Variants in RBM20 observed in about 807,000 individuals in gnomAD.
RBM20 encodes the protein RNA-binding protein 20.
A neutral mutation model predicts 110.1 loss-of-function variants in RBM20; 51 were observed. The ratio of observed to expected loss-of-function variants is 0.46; its 90% CI spans 0.37 to 0.59. The LOEUF is 0.59. Among genes scored for constraint, RBM20 ranks in the 20% least tolerant of loss-of-function variants. RBM20 has a pLI of 0.00. For synonymous variants in RBM20, 589 were observed against 618.2 expected (o/e 0.95, Z 0.70); for missense variants, 1,512 against 1,574.9 (o/e 0.96, Z 0.68).
At position 110,820,125 on chromosome 10, in the gene RBM20, A is replaced by G; in HGVS notation, c.2604A>G (p.Arg868=). 1.3e-6 allele frequency: 2 copies of G among 1,551,650 alleles called. No individual in the cohort carries two copies. Among genetic ancestry groups the G allele is most frequent in the Middle Eastern group, 1.7e-4 (1 of 5,992 alleles). The change falls in exon 10 of 14, where the codon AGA becomes AGG. Residue 868 remains arginine, a synonymous_variant. Transcript: ENST00000369519. ...GMEESPQSVG[R]QEKEAEFSDP... ...AAGAAAGCCCTCAATCAGTGGGCAG[A>G]CAGGAGAAAGAAGCAGAGTTCTCTG...
At position 110,821,721 on chromosome 10, in the gene RBM20, C is replaced by T; in HGVS notation, c.3102C>T (p.Ser1034=). The change falls in exon 11 of 14, where the codon AGC becomes AGT. Residue 1034 remains serine (S), a synonymous_variant. Coordinates refer to ENST00000369519, the MANE Select transcript of RBM20 (RefSeq NM_001134363.3). Reference sequence around the variant, plus strand: ...AGAAGGAGGCAAAGGGAGTGGAGAGCTCAGATGTTCATCCAGCCCCTACAG... The same window carrying T: ...AGAAGGAGGCAAAGGGAGTGGAGAGTTCAGATGTTCATCCAGCCCCTACAG... The part of the protein sequence containing the change: ...CYEKEAKGVE[S]SDVHPAPTVQ... 6.4e-7 allele frequency: 1 copy of T among 1,551,796 alleles called. No individual in the cohort carries two copies. Among genetic ancestry groups the T allele is most frequent in the Non-Finnish European group, 8.7e-7 (1 of 1,147,006 alleles).
At position 110,835,952 on chromosome 10, in the gene RBM20, C is replaced by G; in HGVS notation, c.3658C>G (p.Pro1220Ala). The G allele has an allele frequency of 2.2e-6, 3 of 1,334,474 alleles. No individual in the cohort carries two copies. Among genetic ancestry groups the G allele is most frequent in the Non-Finnish European group, 2.1e-6 (2 of 953,876 alleles). The allele number at this position is 1,334,474 out of a possible 1,614,324, so 82.7% of individuals were successfully genotyped here. ...GAGGCCAGAGGACAGCGGAATCGTG[C>G]CACGCTTCGAAAGGAAAAAGCTCTG... ...SPRPEDSGIV[P>A]RFERKKL The change falls in exon 14 of 14, where the codon CCA becomes GCA. Residue 1220 changes from proline to alanine, a missense_variant. By Grantham distance (27) the Pro-to-Ala change is conservative. This residue lies in a region of RBM20 where 358 missense variants were observed against 384.2 expected (regional missense o/e 0.93). Transcript: ENST00000369519.
rs550347466 is a variant in RBM20, at chr10:110,688,730, A to G, written c.191+44085A>G. Among the ~76,000 whole-genome samples the G allele has an allele frequency of 1.3e-3, 204 of 152,314 alleles. 2 individuals are homozygous for G. In the South Asian group the frequency reaches 0.02, roughly 15 times the overall value. On this transcript the variant is annotated intron_variant, in intron 1 of 13. Transcript: ENST00000369519. ...CCTAATGTCAATACCTTACATAACC[A>G]TGGTACATTTTTCAAAACTAAAACA... is the stretch of plus-strand genomic sequence containing the variant.
rs143723311 is a variant in RBM20, at chr10:110,674,903, G to C, written c.191+30258G>C. 2.8e-3 allele frequency among the ~76,000 whole-genome samples: 432 copies of C among 152,324 alleles called. 3 individuals carry two copies. Among genetic ancestry groups the C allele is most frequent in the African/African-American group, 9.9e-3 (412 of 41,564 alleles). On this transcript the variant is annotated intron_variant, in intron 1 of 13. Transcript: ENST00000369519. ...CTAGCTCTGTATTATTGCCTATGGA[G>C]GACATAGAAATATATCATATACTGT...
At chr10:110,766,318 T>TTTGTTTG (rs1554897192) in intron 1 of RBM20, among the ~76,000 whole-genome samples, 1 of 149,184 alleles carries the variant, frequency 6.7e-6, no homozygotes, top group Non-Finnish European at 1.5e-5. Flanking sequence ...ACTTTGTTTT[T>TTTGTTTG]TTTTTTGTTT....
At position 110,831,678 on chromosome 10, in the gene RBM20, A is replaced by AAAAC. The variant is rs1554844403; in HGVS notation, c.3573+499_3573+500insCAAA. On this transcript the variant is annotated intron_variant, in intron 13 of 13. Coordinates refer to ENST00000369519, the MANE Select transcript of RBM20 (RefSeq NM_001134363.3). ...CTGCTTGCTAGAATAAAAAAAAAAA[A>AAAAC]AAAAAAAAAAAAACACTGCTTTGTT... 9.0e-5 allele frequency among the ~76,000 whole-genome samples: 13 copies of AAAAC among 143,834 alleles called. No individual in the cohort carries two copies. In the South Asian group the frequency reaches 3.0e-3, roughly 33 times the overall value. The allele number at this position is 143,834 out of a possible 152,430, so 94.4% of individuals were successfully genotyped here.
intron 1 of RBM20, among the ~76,000 whole-genome samples, chr10:110,749,506 G>A (rs1843826643): frequency 6.6e-6 from 1 of 152,138 alleles, no homozygotes; most frequent in Non-Finnish European, 1.5e-5. Flanking sequence ...TATGTTCGTA[G>A]ATAGGATAGC....
At chr10:110,803,609 C>T (rs1010515362) in intron 7 of RBM20, among the ~76,000 whole-genome samples, 3 of 152,040 alleles carry the variant, frequency 2.0e-5, no homozygotes, top group Non-Finnish European at 4.4e-5. Flanking sequence ...TGATCTTTAG[C>T]AGGGCTTTTC....
chr10:110,757,535 A>C (rs1843937125), intron 1 of RBM20, among the ~76,000 whole-genome samples: 1 of 152,244 alleles, frequency 6.6e-6, no homozygotes, highest in Admixed American at 6.5e-5. Context: ...CTAACTTCTT[A>C]AACTTAGGAT....
At chr10:110,686,971 G>A (rs1027917624) in intron 1 of RBM20, among the ~76,000 whole-genome samples, 1 of 151,786 alleles carries the variant, frequency 6.6e-6, no homozygotes, top group African/African-American at 2.4e-5. Flanking sequence ...CCCAGGAGGC[G>A]GAGGTTGCAG....
In RBM20 at chr10:110,801,835, G is replaced by A. The variant is rs34554324; in HGVS notation, c.1800+1917G>A. On this transcript the variant is annotated intron_variant, in intron 7 of 13. Transcript: ENST00000369519. ...GCTGGGATTACAAGCGTGAACCACC[G>A]TGCCTGGCCAGTTTATCACAGTTTT... Among the ~76,000 whole-genome samples the A allele has an allele frequency of 6.2e-3, 934 of 151,366 alleles. 9 individuals carry two copies. Among genetic ancestry groups the A allele is most frequent in the East Asian group, 0.031 (160 of 5,104 alleles).
At chr10:110,754,868 C>G (rs10509930) in intron 1 of RBM20, among the ~76,000 whole-genome samples, 27,658 of 152,122 alleles carry the variant, frequency 0.18, 2,763 homozygotes, top group Middle Eastern at 0.27. Context: ...TTATTTCCTT[C>G]TATGCCTGAT....
At chr10:110,784,282 C>T (rs903704210) in intron 3 of RBM20, 59 bp from the exon 4 acceptor site, 2 of 1,271,514 alleles carry the variant, frequency 1.6e-6, no homozygotes, top group African/African-American at 1.5e-5. Flanking sequence ...TTCTGGGTCA[C>T]ATGCTAATTC....
chr10:110,644,665 C>T lies in RBM20; in HGVS notation c.191+20C>T. ...CCAAAAGTAAGAAGGGAGAAGGGAA[C>T]AGGGACCACGGGTGCGCCTGGGGAC... On this transcript the variant is annotated intron_variant, in intron 1 of 13. Transcript: ENST00000369519. The surrounding 1 kb of genome is among the most constrained non-coding windows in gnomAD (Gnocchi z 4.3). 1 of 1,466,136 alleles carries T rather than the reference C, an allele frequency of 6.8e-7. No homozygotes were observed. The highest frequency in any genetic ancestry group is 2.8e-5 in the East Asian group (1 of 36,120). 90.8% of individuals were successfully genotyped at this position (1,466,136 alleles called of 1,614,324 possible). A position where few individuals can be genotyped will look rare whatever the true frequency, so the allele number is the denominator to read the frequency against.
Position 110,784,856 on chromosome 10 carries a change from C to A in RBM20, c.1494C>A (p.Ser498Arg), listed in dbSNP as rs774916799. Reference sequence around the variant, plus strand: ...CAGCAAGGTCATTCACTCAGTCAAGCCCCACATTTCCTTTGGCTTCTGTGG... The same window carrying A: ...CAGCAAGGTCATTCACTCAGTCAAGACCCACATTTCCTTTGGCTTCTGTGG... ...PIPARSFTQS[S>R]PTFPLASVGT... Residue 498 changes from serine to arginine, a missense_variant, in exon 5 of 14, where the codon AGC becomes AGA. Physicochemically the swap from Ser to Arg is moderately radical, Grantham distance 110. This residue lies in a region of RBM20 where 1,149 missense variants were observed against 1,169.4 expected (regional missense o/e 0.98). Coordinates refer to ENST00000369519, the MANE Select transcript of RBM20 (RefSeq NM_001134363.3). 82 of 1,550,082 alleles carry A rather than the reference C, an allele frequency of 5.3e-5. No homozygotes were observed. Among genetic ancestry groups the A allele is most frequent in the Non-Finnish European group, 7.2e-5 (82 of 1,145,684 alleles).
intron 1 of RBM20, among the ~76,000 whole-genome samples, chr10:110,779,092 G>A (rs1009479989): frequency 6.6e-6 from 1 of 152,216 alleles, no homozygotes; most frequent in Non-Finnish European, 1.5e-5. Context: ...AACTCCAAAA[G>A]TCTTTGGAAT....
At position 110,823,478 on chromosome 10, in the gene RBM20, A is replaced by C. The variant is rs1220187332; in HGVS notation, c.3317-2A>C. 2.7e-6 allele frequency: 4 copies of C among 1,457,014 alleles called. No individual in the cohort carries two copies. In the East Asian group the frequency reaches 7.8e-5, roughly 28 times the overall value. The allele number at this position is 1,457,014 out of a possible 1,614,324, so 90.3% of individuals were successfully genotyped here. A position where few individuals can be genotyped will look rare whatever the true frequency, so the allele number is the denominator to read the frequency against. On this transcript the variant is annotated splice_acceptor_variant, in intron 11 of 13. Transcript: ENST00000369519. LOFTEE classifies it high-confidence loss of function. ...TTTTTTGCCTTGGTTCATGTTTTGC[A>C]GAAAACTCCAGGTACGTGGAAATGA...
In RBM20 at chr10:110,747,863, C is replaced by T. The variant is rs60368617; in HGVS notation, c.192-32938C>T. Among the ~76,000 whole-genome samples, 18 of 101,442 alleles carry T rather than the reference C, an allele frequency of 1.8e-4. 2 individuals are homozygous for T. The highest frequency in any genetic ancestry group is 2.6e-4 in the Non-Finnish European group (12 of 45,304). The allele number at this position is 101,442 out of a possible 152,430, so 66.5% of individuals were successfully genotyped here. On this transcript the variant is annotated intron_variant, in intron 1 of 13. Transcript: ENST00000369519. ...AAGTTTTCTTTCTGCAAGAGAAAGC[C>T]TTTTAGAAAGTTTTCTTTCTGAAAG... is the stretch of plus-strand genomic sequence containing the variant.
Position 110,838,509 on chromosome 10 carries a change from C to T in RBM20, c.*2531C>T, listed in dbSNP as rs1564671102. 1 of 152,180 alleles carries T rather than the reference C, an allele frequency of 6.6e-6. No individual in the cohort carries two copies. Among genetic ancestry groups the T allele is most frequent in the Non-Finnish European group, 1.5e-5 (1 of 68,036 alleles). The allele number at this position is 152,180 out of a possible 1,614,324, so 9.4% of individuals were successfully genotyped here. A position where few individuals can be genotyped will look rare whatever the true frequency, so the allele number is the denominator to read the frequency against. The stretch of plus-strand genomic sequence containing the variant: ...ATTGTGGGGGCAGTTCTTTGGCCTT[C>T]TTGCTGAACTTTGCTGGAAATAGCC... On this transcript the variant is annotated 3_prime_UTR_variant, in exon 14 of 14. Coordinates refer to ENST00000369519, the MANE Select transcript of RBM20 (RefSeq NM_001134363.3).
Sources: gnomAD v4.1 joint callset for allele counts (sites outside exome capture counted in the v4.1 genomes callset) on GRCh38, gnomAD v4.1.1 for gene constraint, gnomAD v4.1.1 regional missense constraint, Gnocchi (gnomAD v3.1) non-coding constraint, MANE v1.5 for transcripts, NCBI Gene and HGNC (gene_info 2026-07-23, HGNC 2026-07-21) for gene names.